Variants in RCL1 observed in about 807,000 individuals in gnomAD.
RCL1 encodes RNA 3'-terminal phosphate cyclase-like protein.
Under a neutral mutation model 42.4 loss-of-function variants are expected in RCL1, and 24 were observed. The observed-to-expected ratio is 0.57, with a 90% CI of 0.41 to 0.80. The LOEUF (loss-of-function observed/expected upper bound fraction) is 0.80, where lower values mean the gene tolerates loss of function less well. Among genes scored for constraint, RCL1 ranks in the 30% least tolerant of loss-of-function variants. RCL1 has a pLI of 0.00. For synonymous variants in RCL1, 228 were observed against 177.3 expected (o/e 1.29, Z -2.27); for missense variants, 578 against 467.9 (o/e 1.24, Z -2.17).
intron 1 of RCL1, among the ~76,000 whole-genome samples, chr9:4,818,451 G>C (rs369842794): frequency 1.3e-5 from 2 of 152,254 alleles, no homozygotes; most frequent in South Asian, 4.1e-4. Flanking sequence ...ATTTGCAAGT[G>C]AGTGGATGTC....
chr9:4,811,553 A>C lies in RCL1; in HGVS notation c.137-11995A>C, dbSNP rs13284787. Among the ~76,000 whole-genome samples the C allele has an allele frequency of 1.6e-3, 244 of 152,082 alleles. 1 individual carries two copies. Among genetic ancestry groups the C allele is most frequent in the Admixed American group, 3.6e-3 (55 of 15,272 alleles). ...TGTCTGGCTTATCTTACTTAACATAATGTTCTACAAAAGCCTCTTCATGTT... is the reference window on the plus strand; with the variant it reads ...TGTCTGGCTTATCTTACTTAACATACTGTTCTACAAAAGCCTCTTCATGTT... On this transcript the variant is annotated intron_variant, in intron 1 of 8. Transcript: ENST00000381750.
chr9:4,809,682 A>G (rs1394507440), intron 1 of RCL1, among the ~76,000 whole-genome samples: 1 of 152,228 alleles, frequency 6.6e-6, no homozygotes, highest in Non-Finnish European at 1.5e-5. Context: ...AATTCTCTTC[A>G]TTAACTGGCA....
At chr9:4,849,184 A>G (rs566530209) in intron 7 of RCL1, among the ~76,000 whole-genome samples, 52 of 119,792 alleles carry the variant, frequency 4.3e-4, no homozygotes, top group African/African-American at 1.6e-3. Context: ...TTTTTTTTTT[A>G]CTAGATTCAC....
intron 3 of RCL1, among the ~76,000 whole-genome samples, chr9:4,827,749 T>TGTGCAC (rs1563842827): frequency 2.5e-5 from 3 of 118,670 alleles, no homozygotes; most frequent in East Asian, 2.7e-4. Flanking sequence ...TGTGTGTGTG[T>TGTGCAC]GTGTGTGCAC....
intron 5 of RCL1, chr9:4,839,718 T>C: frequency 1.0e-6 from 1 of 984,426 alleles, no homozygotes; most frequent in Non-Finnish European, 1.2e-6. Context: ...TCAAGTTAAA[T>C]ATTTATTGAG....
chr9:4,856,336 A>G (rs906615627), intron 8 of RCL1, among the ~76,000 whole-genome samples: 4 of 152,138 alleles, frequency 2.6e-5, no homozygotes, highest in African/African-American at 9.7e-5. Flanking sequence ...AATGTTGAAA[A>G]TTGTTTCTCA....
At chr9:4,830,327 G>A (rs563523591) in intron 3 of RCL1, among the ~76,000 whole-genome samples, 6 of 152,296 alleles carry the variant, frequency 3.9e-5, no homozygotes, top group African/African-American at 1.2e-4. Flanking sequence ...ACTTGAGCTT[G>A]CTTGTAGGCT....
chr9:4,833,603 C>G (rs1431856686), intron 4 of RCL1, among the ~76,000 whole-genome samples: 1 of 152,148 alleles, frequency 6.6e-6, no homozygotes, highest in Non-Finnish European at 1.5e-5. Flanking sequence ...TGTTCAGGGG[C>G]TCCCAACCTG....
intron 2 of RCL1, among the ~76,000 whole-genome samples, chr9:4,825,554 A>G (rs568821301): frequency 5.3e-5 from 8 of 152,274 alleles, no homozygotes; most frequent in South Asian, 4.1e-4. Flanking sequence ...TTATTTTATG[A>G]AAGTCCCAAG....
Position 4,793,089 on chromosome 9 carries a change from C to T in RCL1, c.-3C>T. The T allele has an allele frequency of 6.2e-7, 1 of 1,608,374 alleles. No homozygotes were observed. The highest frequency in any genetic ancestry group is 8.5e-7 in the Non-Finnish European group (1 of 1,177,658). ...TGCTCACGTCTCTTCGGAGAGCGCG[C>T]ACATGGCGACTCAGGCGCACTCCCT... On this transcript the variant is annotated 5_prime_UTR_variant, in exon 1 of 9. Transcript: ENST00000381750.
intron 1 of RCL1, among the ~76,000 whole-genome samples, chr9:4,812,115 G>C (rs559998400): frequency 1.3e-5 from 2 of 152,270 alleles, no homozygotes; most frequent in African/African-American, 4.8e-5. Context: ...TGGATGGATA[G>C]TTTGTATTTT....
intron 8 of RCL1, among the ~76,000 whole-genome samples, chr9:4,856,595 A>AT (rs1276061498): frequency 1.3e-5 from 2 of 152,178 alleles, no homozygotes; most frequent in African/African-American, 4.8e-5. Context: ...ATACATAAGC[A>AT]TTTAATTAGA....
intron 1 of RCL1, among the ~76,000 whole-genome samples, chr9:4,817,911 G>GTTT (rs1816443053): frequency 1.4e-5 from 1 of 72,016 alleles, no homozygotes; most frequent in African/African-American, 4.5e-5. Context: ...ACTTTTCTAA[G>GTTT]ATTTTTTTTT....
intron 5 of RCL1, chr9:4,839,582 C>G (rs186216840): frequency 2.5e-6 from 2 of 814,652 alleles, no homozygotes; most frequent in Non-Finnish European, 3.0e-6. Context: ...AGATTCAGGA[C>G]TGTTTGTCTA....
intron 1 of RCL1, among the ~76,000 whole-genome samples, 176 bp downstream of exon 1, chr9:4,793,403 G>A (rs1842863705): frequency 6.6e-6 from 1 of 152,150 alleles, no homozygotes; most frequent in African/African-American, 2.4e-5. Flanking sequence ...GGGGGAGGCG[G>A]GGTCGGGGCC....
At chr9:4,806,093 C>T (rs1402225968) in intron 1 of RCL1, among the ~76,000 whole-genome samples, 1 of 144,346 alleles carries the variant, frequency 6.9e-6, no homozygotes, top group African/African-American at 2.6e-5. Context: ...TGGTATCTTC[C>T]AGCATTGCTG....
rs189723746 is a variant in RCL1 at position 4,798,699 on chromosome 9, C to A, written c.136+5472C>A. Among the ~76,000 whole-genome samples, 273 of 152,254 alleles carry A rather than the reference C, an allele frequency of 1.8e-3. No homozygotes were observed. In the Middle Eastern group the frequency reaches 0.02, roughly 11 times the overall value. On this transcript the variant is annotated intron_variant, in intron 1 of 8. Transcript: ENST00000381750. ...AGGAGGATGTGCCTATATTTTATTT[C>A]GGCCTGGTTTGGGACCCAGAATTCT...
intron 5 of RCL1, among the ~76,000 whole-genome samples, chr9:4,836,284 G>T (rs779715441): frequency 2.0e-5 from 3 of 152,152 alleles, no homozygotes; most frequent in Non-Finnish European, 2.9e-5. Flanking sequence ...GGTTGGCAAG[G>T]TGGGTGGGTC....
At chr9:4,845,181 C>T (rs886987764) in intron 7 of RCL1, among the ~76,000 whole-genome samples, 2 of 152,128 alleles carry the variant, frequency 1.3e-5, no homozygotes, top group Non-Finnish European at 2.9e-5. Context: ...CACAGAATCT[C>T]AGTTAACAGA....
Sources: gnomAD v4.1 joint callset for allele counts (sites outside exome capture counted in the v4.1 genomes callset) on GRCh38, gnomAD v4.1.1 for gene constraint, MANE v1.5 for transcripts, NCBI Gene and HGNC (gene_info 2026-07-23, HGNC 2026-07-21) for gene names.